The following TRMT9B variants were observed in gnomAD, a reference collection of about 807,000 sequenced individuals.
The protein encoded by TRMT9B is probable tRNA methyltransferase 9B.
TRMT9B carries 16 observed loss-of-function variants against 11.5 expected under a neutral mutation model. The observed-to-expected ratio is 1.39, with a 90% CI of 0.94 to 2.11. The LOEUF (loss-of-function observed/expected upper bound fraction) is 2.11, where lower values mean the gene tolerates loss of function less well. Among genes scored for constraint, TRMT9B ranks in the 30% most tolerant of loss-of-function variants. TRMT9B has a pLI of 0.00. For missense variants in TRMT9B, 941 were observed against 553.8 expected (o/e 1.70, Z -7.02); for synonymous variants, 274 against 192.4 (o/e 1.42, Z -3.51).
At chr8:13,012,638 C>A in intron 3 of TRMT9B, 46 bp from the exon 4 acceptor site, 1 of 1,535,730 alleles carries the variant, frequency 6.5e-7, no homozygotes, top group Non-Finnish European at 8.8e-7. Context: ...AAGTATTTCA[C>A]ATTTTCCATT....
intron 1 of TRMT9B, among the ~76,000 whole-genome samples, chr8:12,964,515 G>A (rs1420971649): frequency 6.6e-6 from 1 of 152,156 alleles, no homozygotes; most frequent in Non-Finnish European, 1.5e-5. Context: ...AGAACTCCTT[G>A]AGGTTAAAAA....
At chr8:12,998,439 CAT>C (rs151114200) in intron 2 of TRMT9B, among the ~76,000 whole-genome samples, 1,581 of 152,264 alleles carry the variant, frequency 0.01, 21 homozygotes, top group African/African-American at 0.035. Flanking sequence ...AGAGCTAAAA[CAT>C]AGAGGACTCA....
At chr8:12,962,123 A>G (rs1024450769) in intron 1 of TRMT9B, 1 of 152,388 alleles carries the variant, frequency 6.6e-6, no homozygotes, top group Non-Finnish European at 1.5e-5. Context: ...TCTCCATGCT[A>G]GCTTTCCTCT....
At position 13,012,860 on chromosome 8, in the gene TRMT9B, A is replaced by G; in HGVS notation, c.328+3A>G. On this transcript the variant is annotated splice_donor_region_variant and intron_variant, in intron 4 of 4. Transcript: ENST00000524591. ...CGATGCCATCATCTCCATAGGAGGTAAGGCAGCCAGATCACACATTCACCC... is the reference window on the plus strand; with the variant it reads ...CGATGCCATCATCTCCATAGGAGGTGAGGCAGCCAGATCACACATTCACCC... The G allele has an allele frequency of 6.2e-7, 1 of 1,613,200 alleles. No homozygotes were observed. Among genetic ancestry groups the G allele is most frequent in the Non-Finnish European group, 8.5e-7 (1 of 1,179,564 alleles).
In TRMT9B at chr8:12,967,754, G is replaced by T. The variant is rs574302666; in HGVS notation, c.-200+21788G>T. ...ATACATCTTTATGCATATAGTGATG[G>T]TCAGTATGAAAGTGATCAGTGGGAC... is the stretch of plus-strand genomic sequence containing the variant. On this transcript the variant is annotated intron_variant, in intron 1 of 4. Coordinates refer to ENST00000524591, the MANE Select transcript of TRMT9B (RefSeq NM_020844.3). Among the ~76,000 whole-genome samples the T allele has an allele frequency of 3.3e-5, 5 of 152,300 alleles. No homozygotes were observed. The South Asian group carries it at 1.0e-3, about 32-fold the overall frequency.
chr8:12,971,766 A>T (rs1276157465), intron 1 of TRMT9B, among the ~76,000 whole-genome samples: 2 of 152,236 alleles, frequency 1.3e-5, no homozygotes, highest in African/African-American at 4.8e-5. Flanking sequence ...AGATGTGGTT[A>T]TCGCTTTTAC....
intron 1 of TRMT9B, among the ~76,000 whole-genome samples, chr8:12,951,097 G>T (rs925397051): frequency 6.6e-6 from 1 of 152,132 alleles, no homozygotes; most frequent in African/African-American, 2.4e-5. Flanking sequence ...AGAAGCAATG[G>T]GGGGAGGAAA....
At chr8:12,948,678 AG>A (rs1201894493) in intron 1 of TRMT9B, among the ~76,000 whole-genome samples, 1 of 152,000 alleles carries the variant, frequency 6.6e-6, no homozygotes, top group Non-Finnish European at 1.5e-5. Flanking sequence ...AAAAAACAGA[AG>A]GCCAGGCACG....
Position 12,959,428 on chromosome 8 carries a change from T to C in TRMT9B, c.-200+13462T>C, listed in dbSNP as rs567283305. Among the ~76,000 whole-genome samples, 10 of 151,964 alleles carry C rather than the reference T, an allele frequency of 6.6e-5. No homozygotes were observed. The South Asian group carries it at 2.1e-3, about 32-fold the overall frequency. On this transcript the variant is annotated intron_variant, in intron 1 of 4. Transcript: ENST00000524591. ...TAAATGTATGTTGTCTTTATGTCCA[T>C]GCAAATATGCCACAACTGGAAACAC...
At chr8:13,016,170 A>C (rs1585394142) in intron 4 of TRMT9B, among the ~76,000 whole-genome samples, 1 of 129,998 alleles carries the variant, frequency 7.7e-6, no homozygotes, top group South Asian at 2.2e-4. Context: ...CATATATATA[A>C]ACATATATAA....
chr8:12,997,982 C>A (rs970092929), intron 2 of TRMT9B, among the ~76,000 whole-genome samples: 2 of 152,092 alleles, frequency 1.3e-5, no homozygotes, highest in African/African-American at 2.4e-5. Flanking sequence ...CTTAAATTTG[C>A]GGTTCCCTGA....
At chr8:12,974,733 C>T (rs1478427674) in intron 1 of TRMT9B, among the ~76,000 whole-genome samples, 2 of 152,154 alleles carry the variant, frequency 1.3e-5, no homozygotes, top group African/African-American at 4.8e-5. Context: ...TTTCACTTCT[C>T]TTGCATGAAA....
Position 13,021,974 on chromosome 8 carries a change from G to C in TRMT9B, c.1295G>C (p.Arg432Pro), listed in dbSNP as rs376890488. 9 of 1,613,118 alleles carry C rather than the reference G, an allele frequency of 5.6e-6. No homozygotes were observed. The South Asian group carries it at 9.9e-5, about 18-fold the overall frequency. Residue 432 changes from arginine to proline, a missense_variant, in exon 5 of 5, where the codon CGT becomes CCT. Physicochemically the swap from Arg to Pro is moderately radical, Grantham distance 103 (BLOSUM62 -2). Coordinates refer to ENST00000524591, the MANE Select transcript of TRMT9B (RefSeq NM_020844.3). Reference protein sequence around the residue: ...SLLKENVSELRILSSGNDHGN... With the variant: ...SLLKENVSELPILSSGNDHGN... ...CTCAAGGAGAATGTGTCAGAGCTCCGTATCCTGAGTTCTGGGAATGATCAT... is the reference window on the plus strand; with the variant it reads ...CTCAAGGAGAATGTGTCAGAGCTCCCTATCCTGAGTTCTGGGAATGATCAT...
intron 3 of TRMT9B, chr8:13,010,137 GAA>G (rs77013467): frequency 3.9e-3 from 1,779 of 460,454 alleles, no homozygotes; most frequent in South Asian, 5.7e-3. Flanking sequence ...GACCCTATCT[GAA>G]AAAAAAAAAA....
At chr8:12,994,374 A>T (rs373872217) in intron 2 of TRMT9B, among the ~76,000 whole-genome samples, 22 of 152,352 alleles carry the variant, frequency 1.4e-4, no homozygotes, top group Middle Eastern at 6.8e-3. Context: ...GAAGATACTG[A>T]TATTGACTAG....
In TRMT9B at chr8:13,029,235, G is replaced by A. The variant is rs938564692; in HGVS notation, c.*7191G>A. 6.0e-5 allele frequency: 10 copies of A among 167,080 alleles called. No individual in the cohort carries two copies. In the Admixed American group the frequency reaches 6.5e-4, roughly 11 times the overall value. The allele number at this position is 167,080 out of a possible 1,614,324, so 10.3% of individuals were successfully genotyped here. On this transcript the variant is annotated 3_prime_UTR_variant, in exon 5 of 5. Coordinates refer to ENST00000524591, the MANE Select transcript of TRMT9B (RefSeq NM_020844.3). ...GGGAAATTTAGAACAATTATTAGATGTTATAGTGCCTCTTCTCGTGTTGAT... is the reference window on the plus strand; with the variant it reads ...GGGAAATTTAGAACAATTATTAGATATTATAGTGCCTCTTCTCGTGTTGAT...
intron 1 of TRMT9B, among the ~76,000 whole-genome samples, chr8:12,966,133 C>T (rs1335136069): frequency 7.1e-6 from 1 of 141,740 alleles, no homozygotes; most frequent in Non-Finnish European, 1.6e-5. Context: ...CAAGACCAGC[C>T]TGGGCAACAT....
intron 1 of TRMT9B, among the ~76,000 whole-genome samples, chr8:12,971,390 T>C (rs908623719): frequency 6.6e-6 from 1 of 152,220 alleles, no homozygotes; most frequent in African/African-American, 2.4e-5. Context: ...CTCAGGGTTC[T>C]CCCGGTACAG....
intron 1 of TRMT9B, among the ~76,000 whole-genome samples, chr8:12,986,816 T>A (rs1265814181): frequency 6.6e-6 from 1 of 152,238 alleles, no homozygotes; most frequent in Non-Finnish European, 1.5e-5. Flanking sequence ...CTCCTTAATA[T>A]CCCTTCATTT....
Sources: allele counts gnomAD v4.1 joint callset (sites outside exome capture counted in the v4.1 genomes callset), GRCh38; gene constraint gnomAD v4.1.1; transcripts MANE v1.5; gene names NCBI Gene and HGNC (gene_info 2026-07-23, HGNC 2026-07-21).